The following SLC36A1 variants were observed in gnomAD, a reference collection of about 807,000 sequenced individuals.
SLC36A1 encodes the protein solute carrier family 36 member 1, also known as proton-coupled amino acid transporter 1.
In SLC36A1, 30 loss-of-function variants were observed where a neutral mutation model predicts 47.5. The observed-to-expected ratio is 0.63, with a 90% CI of 0.47 to 0.86. The LOEUF (loss-of-function observed/expected upper bound fraction) is 0.86, where lower values mean the gene tolerates loss of function less well. Among genes scored for constraint, SLC36A1 ranks in the 40% least tolerant of loss-of-function variants. The pLI is 0.00. For missense variants in SLC36A1, 517 were observed against 606.0 expected (o/e 0.85, Z 1.54); for synonymous variants, 255 against 249.7 (o/e 1.02, Z -0.20).
At chr5:151,546,896 T>G in the SLC36A1 span, among the ~76,000 whole-genome samples, 1 of 152,098 alleles carries the variant, frequency 6.6e-6, no homozygotes, top group Non-Finnish European at 1.5e-5. Flanking sequence ...AATATAATTT[T>G]TAATAGCTTT....
At chr5:151,445,077 T>G (rs761588780), upstream of SLC36A1, among the ~76,000 whole-genome samples, 1 of 152,186 alleles carries the variant, frequency 6.6e-6, no homozygotes, top group Non-Finnish European at 1.5e-5. Context: ...AAATGTTAAC[T>G]GTGTGTTTTT....
the SLC36A1 span, chr5:151,517,668 T>C: frequency 3.1e-6 from 5 of 1,614,046 alleles, no homozygotes; most frequent in African/African-American, 2.7e-5. Context: ...GAATGGCCTG[T>C]GGCTGGAGTG....
At chr5:151,544,144 G>C in the SLC36A1 span, 3 of 1,614,176 alleles carry the variant, frequency 1.9e-6, no homozygotes, top group South Asian at 2.2e-5. Flanking sequence ...CATCTCCCCT[G>C]TGCTCCCATT....
chr5:151,447,834 G>T (rs1753046939), intron 1 of SLC36A1, 21 bp downstream of exon 1: 1 of 152,304 alleles, frequency 6.6e-6, no homozygotes, highest in African/African-American at 2.4e-5. Context: ...GGATCCGCCC[G>T]GGCTGTGGGT....
At chr5:151,398,180 G>A in the SLC36A1 span, among the ~76,000 whole-genome samples, 1 of 152,162 alleles carries the variant, frequency 6.6e-6, no homozygotes, top group African/African-American at 2.4e-5. Context: ...TGCCCCTTGA[G>A]TTAACAGGAA....
At chr5:151,453,510 G>A (rs930711050) in intron 1 of SLC36A1, among the ~76,000 whole-genome samples, 45 of 151,924 alleles carry the variant, frequency 3.0e-4, no homozygotes, top group African/African-American at 1.0e-3. Flanking sequence ...TACAACTTCA[G>A]AATATGTTAC....
intron 2 of SLC36A1, among the ~76,000 whole-genome samples, chr5:151,463,131 T>C (rs1247558402): frequency 6.6e-6 from 1 of 152,168 alleles, no homozygotes; most frequent in Non-Finnish European, 1.5e-5. Flanking sequence ...CGCTTCGGCC[T>C]CCCAAAGTAG....
At chr5:151,504,115 T>C in the SLC36A1 span, 2 of 147,522 alleles carry the variant, frequency 1.4e-5, no homozygotes, top group Non-Finnish European at 3.1e-5. Flanking sequence ...AGATACTTTA[T>C]TGTTAAAAAA....
Position 151,488,007 on chromosome 5 carries a change from G to T in SLC36A1, c.1184G>T (p.Arg395Leu), listed in dbSNP as rs749715139. Residue 395 changes from arginine to leucine, a missense_variant, in exon 11 of 11, where the codon CGC becomes CTC. Physicochemically the swap from Arg to Leu is moderately radical, Grantham distance 102 (BLOSUM62 -2). Coordinates refer to ENST00000243389, the MANE Select transcript of SLC36A1 (RefSeq NM_078483.4). ...GGCATCTTGGCCATCCTCATCCCCC[G>T]CCTGGACCTGGTCATCTCCCTGGTG... ...LTCILAILIP[R>L]LDLVISLVGS... is the part of the protein sequence containing the mutation. 1.2e-6 allele frequency: 2 copies of T among 1,614,020 alleles called. No individual in the cohort carries two copies. Among genetic ancestry groups the T allele is most frequent in the Admixed American group, 1.7e-5 (1 of 60,024 alleles).
the SLC36A1 span, among the ~76,000 whole-genome samples, chr5:151,503,498 G>A: frequency 3.3e-5 from 5 of 150,290 alleles, no homozygotes; most frequent in African/African-American, 7.5e-5. Context: ...CACTGCCTGC[G>A]TGGTGTCTCC....
intron 5 of SLC36A1, among the ~76,000 whole-genome samples, 170 bp downstream of exon 5, chr5:151,465,339 G>A (rs1756190388): frequency 1.3e-5 from 2 of 152,198 alleles, no homozygotes; most frequent in Admixed American, 6.5e-5. Context: ...CTGGGGCTGG[G>A]TAACCCCTTT....
At chr5:151,513,674 T>C in the SLC36A1 span, among the ~76,000 whole-genome samples, 7 of 152,248 alleles carry the variant, frequency 4.6e-5, no homozygotes, top group African/African-American at 1.7e-4. Context: ...TGAAGTAATA[T>C]GTACACCAAT....
chr5:151,532,065 G>A, the SLC36A1 span: 4 of 1,504,026 alleles, frequency 2.7e-6, no homozygotes, highest in South Asian at 2.5e-5. Flanking sequence ...GCTGGGGAGG[G>A]GCTCCCATGA....
chr5:151,468,266 A>AAAAAAAAAAAATATATATATAT (rs55642458), intron 7 of SLC36A1, among the ~76,000 whole-genome samples: 1 of 63,830 alleles, frequency 1.6e-5, no homozygotes, highest in African/African-American at 8.8e-5. Context: ...AAAAAAAAAA[A>AAAAAAAAAAAATATATATATAT]ATATATATAT....
At chr5:151,477,270 G>A (rs930553504) in intron 9 of SLC36A1, among the ~76,000 whole-genome samples, 3 of 152,154 alleles carry the variant, frequency 2.0e-5, no homozygotes, top group Non-Finnish European at 4.4e-5. Flanking sequence ...GAATGTCCCA[G>A]GGCATGTGCA....
chr5:151,357,484 A>G, the SLC36A1 span, among the ~76,000 whole-genome samples: 10 of 152,372 alleles, frequency 6.6e-5, 1 homozygote, highest in African/African-American at 2.4e-4. Context: ...TGGGCCAAGT[A>G]TTAATACTAA....
chr5:151,363,193 T>C, the SLC36A1 span, among the ~76,000 whole-genome samples: 1 of 152,218 alleles, frequency 6.6e-6, no homozygotes, highest in African/African-American at 2.4e-5. Flanking sequence ...CTGTCCCAGA[T>C]GGAAGAGGTC....
At chr5:151,419,076 G>T in the SLC36A1 span, among the ~76,000 whole-genome samples, 3 of 152,172 alleles carry the variant, frequency 2.0e-5, no homozygotes, top group African/African-American at 7.2e-5. Context: ...GAAAGTGCCT[G>T]GTTTCTTCTT....
chr5:151,382,678 C>T, the SLC36A1 span, among the ~76,000 whole-genome samples: 1 of 152,184 alleles, frequency 6.6e-6, no homozygotes, highest in African/African-American at 2.4e-5. Flanking sequence ...CACATAGTAC[C>T]CCAACTCATT....
Sources: allele counts gnomAD v4.1 joint callset (sites outside exome capture counted in the v4.1 genomes callset), GRCh38; gene constraint gnomAD v4.1.1; transcripts MANE v1.5; gene names NCBI Gene and HGNC (gene_info 2026-07-23, HGNC 2026-07-21).